Variants in BMERB1 observed in about 807,000 individuals in gnomAD.
The protein encoded by BMERB1 is bMERB domain containing 1, also known as bMERB domain-containing protein 1.
BMERB1 carries 12 observed loss-of-function variants against 23.6 expected under a neutral mutation model. That is an observed-to-expected ratio of 0.51 (90% CI 0.33 to 0.82). The LOEUF (loss-of-function observed/expected upper bound fraction) is 0.82. Ranked by LOEUF, BMERB1 falls within the 40% of genes least tolerant of loss-of-function variation. The pLI is 0.03. For synonymous variants in BMERB1, 122 were observed against 96.6 expected (o/e 1.26, Z -1.54); for missense variants, 247 against 255.4 (o/e 0.97, Z 0.22).
intron 2 of BMERB1, among the ~76,000 whole-genome samples, chr16:15,547,340 CTTCT>C (rs1411891997): frequency 2.7e-5 from 4 of 146,152 alleles, no homozygotes; most frequent in African/African-American, 5.1e-5. Context: ...TTTTTTTCTT[CTTCT>C]TTTTTTTTTT....
intron 1 of BMERB1, among the ~76,000 whole-genome samples, chr16:15,507,600 C>T (rs1481180316): frequency 2.0e-5 from 3 of 152,134 alleles, no homozygotes; most frequent in African/African-American, 4.8e-5. Flanking sequence ...TTGAAATGCT[C>T]CTCCCGTTTC....
intron 1 of BMERB1, among the ~76,000 whole-genome samples, chr16:15,511,539 A>G (rs79314925): frequency 0.073 from 11,085 of 152,190 alleles, 771 homozygotes; most frequent in Admixed American, 0.2. Context: ...GCACTTATCT[A>G]TTTCATGAAG....
Position 15,530,610 on chromosome 16 carries a change from G to A in BMERB1, c.230+15182G>A, listed in dbSNP as rs149002558. On this transcript the variant is annotated intron_variant, in intron 2 of 5. Coordinates refer to ENST00000300006, the MANE Select transcript of BMERB1 (RefSeq NM_033201.3). ...TTTGTAGAGATGGTGACATAGTTCG[G>A]CTGTGTCCCCACCCAAATCTTATCC... Among the ~76,000 whole-genome samples the A allele has an allele frequency of 1.6e-3, 244 of 152,098 alleles. 1 individual carries two copies. Among genetic ancestry groups the A allele is most frequent in the African/African-American group, 5.6e-3 (233 of 41,492 alleles).
intron 1 of BMERB1, among the ~76,000 whole-genome samples, chr16:15,463,270 T>TATATATATATATATA (rs2051152108): frequency 2.0e-5 from 3 of 151,562 alleles, no homozygotes; most frequent in African/African-American, 7.3e-5. Context: ...TATATATATA[T>TATATATATATATATA]TTTGTAGAGG....
chr16:15,526,063 T>C lies in BMERB1; in HGVS notation c.230+10635T>C, dbSNP rs564175943. Among the ~76,000 whole-genome samples, 33 of 152,310 alleles carry C rather than the reference T, an allele frequency of 2.2e-4. No individual in the cohort carries two copies. In the South Asian group the frequency reaches 6.8e-3, roughly 32 times the overall value. On this transcript the variant is annotated intron_variant, in intron 2 of 5. Coordinates refer to ENST00000300006, the MANE Select transcript of BMERB1 (RefSeq NM_033201.3). The stretch of plus-strand genomic sequence containing the variant: ...TAAATAGCATGTAAAATTCAGTCTC[T>C]CGGTAGCCTGAGCCATATTTCAAGC...
chr16:15,477,599 C>G (rs904683045), intron 1 of BMERB1, among the ~76,000 whole-genome samples: 4 of 152,142 alleles, frequency 2.6e-5, no homozygotes, highest in Non-Finnish European at 4.4e-5. Context: ...TCACTCCACT[C>G]CAGCCTAGGC....
chr16:15,472,777 T>A (rs1463979469), intron 1 of BMERB1, among the ~76,000 whole-genome samples: 1 of 152,138 alleles, frequency 6.6e-6, no homozygotes, highest in African/African-American at 2.4e-5. Flanking sequence ...TGCCATTTTA[T>A]TGTTTGTTTC....
At chr16:15,554,663 C>CTTT (rs55937169) in intron 2 of BMERB1, among the ~76,000 whole-genome samples, 1 of 144,554 alleles carries the variant, frequency 6.9e-6, no homozygotes. Flanking sequence ...ACCAAGTATT[C>CTTT]TTTTTTTTTT....
intron 1 of BMERB1, among the ~76,000 whole-genome samples, chr16:15,457,109 A>G (rs1043901777): frequency 6.6e-6 from 1 of 152,220 alleles, no homozygotes; most frequent in African/African-American, 2.4e-5. Context: ...TGTAGGCATG[A>G]GGCACTGTGC....
chr16:15,567,840 G>A (rs1359170131), intron 2 of BMERB1, 143 bp from the exon 3 acceptor site: 2 of 654,966 alleles, frequency 3.1e-6, no homozygotes, highest in East Asian at 5.7e-5. Context: ...TTTTCCTTTT[G>A]AGGGAAAACC....
intron 2 of BMERB1, among the ~76,000 whole-genome samples, chr16:15,517,883 ATGTGTGTGTGTGGATC>A (rs1195736175): frequency 9.0e-6 from 1 of 110,740 alleles, no homozygotes; most frequent in Non-Finnish European, 1.7e-5. Context: ...GGGTGTGTGG[ATGTGTGTGTGTGGATC>A]TGTGTGTGTG....
intron 2 of BMERB1, among the ~76,000 whole-genome samples, chr16:15,551,375 G>A (rs1422363506): frequency 6.6e-6 from 1 of 152,300 alleles, no homozygotes; most frequent in East Asian, 1.9e-4. Context: ...CTTAAAGGAG[G>A]TGCAGTCTGT....
intron 2 of BMERB1, among the ~76,000 whole-genome samples, chr16:15,540,355 G>A (rs1001780602): frequency 4.6e-5 from 7 of 151,730 alleles, no homozygotes; most frequent in African/African-American, 1.2e-4. Context: ...GCAAAACCCC[G>A]TCTCTACTAA....
At chr16:15,506,449 G>A (rs574438252) in intron 1 of BMERB1, among the ~76,000 whole-genome samples, 74 of 152,276 alleles carry the variant, frequency 4.9e-4, no homozygotes, top group African/African-American at 1.7e-3. Flanking sequence ...TGGGATTACA[G>A]GCGTGAGCCA....
chr16:15,547,653 A>G (rs2029961328), intron 2 of BMERB1, among the ~76,000 whole-genome samples: 1 of 152,096 alleles, frequency 6.6e-6, no homozygotes, highest in South Asian at 2.1e-4. Flanking sequence ...AGCCACTTTC[A>G]GCTTTTAATG....
intron 1 of BMERB1, among the ~76,000 whole-genome samples, chr16:15,496,071 A>AGGG (rs1194372621): frequency 3.6e-4 from 54 of 151,402 alleles, no homozygotes; most frequent in African/African-American, 1.2e-3. Context: ...TGATGATGAC[A>AGGG]GTGATCGTGA....
rs982347613 is a variant in BMERB1, at chr16:15,568,028, G to A, written c.276G>A (p.Gln92=). The A allele has an allele frequency of 5.6e-6, 9 of 1,614,086 alleles. No homozygotes were observed. Among genetic ancestry groups the A allele is most frequent in the Non-Finnish European group, 7.6e-6 (9 of 1,179,936 alleles). ...QLCKDIMDLK[Q]ELQNLVAIPE... ...GCAAGGACATCATGGACTTGAAGCA[G>A]GAGCTGCAGAACTTGGTCGCCATCC... The change falls in exon 3 of 6, where the codon CAG becomes CAA. Residue 92 remains glutamine (Q), a synonymous_variant. Transcript: ENST00000300006.
intron 1 of BMERB1, among the ~76,000 whole-genome samples, chr16:15,472,565 C>T (rs1248634878): frequency 6.6e-6 from 1 of 152,078 alleles, no homozygotes; most frequent in East Asian, 1.9e-4. Flanking sequence ...GCCATCCTGG[C>T]TTTTCTTTTG....
At chr16:15,506,289 C>T (rs2051590676) in intron 1 of BMERB1, among the ~76,000 whole-genome samples, 1 of 152,030 alleles carries the variant, frequency 6.6e-6, no homozygotes, top group Admixed American at 6.6e-5. Flanking sequence ...CATTCTCCTG[C>T]CTCAGCCTCC....
Sources: gnomAD v4.1 joint callset for allele counts (sites outside exome capture counted in the v4.1 genomes callset) on GRCh38, gnomAD v4.1.1 for gene constraint, MANE v1.5 for transcripts, NCBI Gene and HGNC (gene_info 2026-07-23, HGNC 2026-07-21) for gene names.